The following UNC80 variants were observed in gnomAD, a reference collection of about 807,000 sequenced individuals.
UNC80 encodes unc-80 subunit of NALCN channel complex.
In UNC80, 164 loss-of-function variants were observed where a neutral mutation model predicts 384.6. The ratio of observed to expected loss-of-function variants is 0.43; its 90% CI spans 0.38 to 0.49. The LOEUF is 0.49. Ranked by LOEUF, UNC80 falls within the 20% of genes least tolerant of loss-of-function variation. The pLI, the probability that UNC80 is intolerant of heterozygous loss-of-function variation, is 0.00. For synonymous variants in UNC80, 1,486 were observed against 1,527.8 expected, an observed-to-expected ratio of 0.97 and a Z score of 0.64; for missense variants, 3,330 against 4,143.0, an observed-to-expected ratio of 0.80 and a Z score of 5.39.
chr2:209,860,598 A>G (rs917747964), intron 22 of UNC80, among the ~76,000 whole-genome samples: 2 of 152,286 alleles, frequency 1.3e-5, no homozygotes, highest in South Asian at 2.1e-4. Flanking sequence ...GTCAATGGTT[A>G]TTTGATGGGA....
intron 21 of UNC80, among the ~76,000 whole-genome samples, chr2:209,845,877 A>G (rs1296637348): frequency 6.6e-6 from 1 of 152,096 alleles, no homozygotes; most frequent in Non-Finnish European, 1.5e-5. Flanking sequence ...TTGCGCAAAC[A>G]TCATTCTATT....
rs1414141255 is a variant in UNC80 at position 209,972,327 on chromosome 2, C to CTGAT, written c.8380+5_8380+8dup. ...CACAGTAGGATCTGGAAGCAAAGGT[C>CTGAT]TGATTAATTTAACTAAAGGAAATTT... On this transcript the variant is annotated splice_donor_region_variant and intron_variant, in intron 55 of 64. Coordinates refer to ENST00000673920, the MANE Select transcript of UNC80 (RefSeq NM_001371986.1). 7.7e-6 allele frequency: 12 copies of CTGAT among 1,549,670 alleles called. No individual in the cohort carries two copies. Among genetic ancestry groups the CTGAT allele is most frequent in the Non-Finnish European group, 9.6e-6 (11 of 1,146,294 alleles).
Position 209,954,420 on chromosome 2 carries a change from T to C in UNC80, c.7457+150T>C, listed in dbSNP as rs143430186. 926 of 615,698 alleles carry C rather than the reference T, an allele frequency of 1.5e-3. 2 individuals are homozygous for C. The highest frequency in any genetic ancestry group is 1.4e-3 in the Non-Finnish European group (558 of 398,950). The allele number at this position is 615,698 out of a possible 1,614,324, so 38.1% of individuals were successfully genotyped here. On this transcript the variant is annotated intron_variant, in intron 48 of 64. Coordinates refer to ENST00000673920, the MANE Select transcript of UNC80 (RefSeq NM_001371986.1). ...AACTCAGCCCTTTATGCCTTATAAC[T>C]GTGAACAGTTCGTGAGTTATTTGAA...
rs2085236268 is a variant in UNC80, at chr2:209,880,952, ATTTCC to A, written c.3977-7_3977-3del. The A allele has an allele frequency of 6.4e-7, 1 of 1,551,184 alleles. No individual in the cohort carries two copies. The highest frequency in any genetic ancestry group is 8.7e-7 in the Non-Finnish European group (1 of 1,146,668). On this transcript the variant is annotated splice_polypyrimidine_tract_variant and splice_region_variant and intron_variant, in intron 24 of 64. Coordinates refer to ENST00000673920, the MANE Select transcript of UNC80 (RefSeq NM_001371986.1). ...TGTCTCCTTATGAAAGAACACTTTC[ATTTCC>A]TAGGTACTGTGAACCCCTCTAAATG...
intron 22 of UNC80, among the ~76,000 whole-genome samples, chr2:209,856,245 T>G (rs2082907799): frequency 6.6e-6 from 1 of 152,156 alleles, no homozygotes; most frequent in Non-Finnish European, 1.5e-5. Context: ...CTATTTCTGT[T>G]TCTGCTTTGG....
At chr2:209,806,395 G>A (rs1298987105) in intron 7 of UNC80, among the ~76,000 whole-genome samples, 1 of 152,148 alleles carries the variant, frequency 6.6e-6, no homozygotes. Context: ...CAATACTCAA[G>A]CTCTCTCTCT....
Position 209,783,373 on chromosome 2 carries a change from A to T in UNC80, c.601-2693A>T, listed in dbSNP as rs554361555. On this transcript the variant is annotated intron_variant, in intron 4 of 64. Transcript: ENST00000673920. ...GAGACATTAGAGGCCCAGAGTTTAT[A>T]CATTTATCCAAGTTAGGAAGACTTA... 3.3e-5 allele frequency among the ~76,000 whole-genome samples: 5 copies of T among 152,282 alleles called. No homozygotes were observed. The East Asian group carries it at 9.6e-4, about 29-fold the overall frequency.
chr2:209,854,328 TAA>T (rs5838186), intron 22 of UNC80, among the ~76,000 whole-genome samples: 1 of 151,854 alleles, frequency 6.6e-6, no homozygotes, highest in African/African-American at 2.4e-5. Flanking sequence ...AAATGTAGCA[TAA>T]AAAAATGCTT....
intron 18 of UNC80, among the ~76,000 whole-genome samples, chr2:209,837,511 T>G (rs2081404919): frequency 6.6e-6 from 1 of 152,198 alleles, no homozygotes; most frequent in South Asian, 2.1e-4. Context: ...TGGCCACATG[T>G]GTACTTTTTT....
At chr2:209,975,042 G>C (rs778835217) in intron 56 of UNC80, among the ~76,000 whole-genome samples, 1 of 152,178 alleles carries the variant, frequency 6.6e-6, no homozygotes, top group Non-Finnish European at 1.5e-5. Context: ...CTCTCTCTCT[G>C]TGTTACATGG....
intron 43 of UNC80, among the ~76,000 whole-genome samples, chr2:209,940,283 G>A (rs1466955111): frequency 1.3e-5 from 2 of 152,110 alleles, no homozygotes; most frequent in South Asian, 4.1e-4. Flanking sequence ...GGGCAGAAGG[G>A]TGATGAAAAT....
intron 28 of UNC80, among the ~76,000 whole-genome samples, chr2:209,901,628 TAAG>T (rs2087415263): frequency 6.6e-6 from 1 of 152,072 alleles, no homozygotes; most frequent in African/African-American, 2.4e-5. Flanking sequence ...TCTTATGATT[TAAG>T]AAGTTCATTT....
intron 4 of UNC80, among the ~76,000 whole-genome samples, chr2:209,780,046 T>C (rs1317530898): frequency 6.6e-6 from 1 of 152,218 alleles, no homozygotes; most frequent in Admixed American, 6.5e-5. Flanking sequence ...ATTAAACAAG[T>C]TATAGTATTC....
chr2:209,918,613 G>A lies in UNC80; in HGVS notation c.5293G>A (p.Val1765Ile). 6.4e-7 allele frequency: 1 copy of A among 1,551,938 alleles called. No homozygotes were observed. The highest frequency in any genetic ancestry group is 8.7e-7 in the Non-Finnish European group (1 of 1,147,028). ...CGTCCCAATGTTTGACCCACCGTGG[G>A]TTCCTCAGTGCAGCGGGAGTGTCCA... ...PSVPMFDPPW[V>I]PQCSGSVQDP... is the part of the protein sequence containing the mutation. The change falls in exon 33 of 65, where the codon GTT becomes ATT. Residue 1765 changes from valine to isoleucine, a missense_variant. Physicochemically the swap from Val to Ile is conservative, Grantham distance 29. Transcript: ENST00000673920.
chr2:209,914,480 C>A lies in UNC80; in HGVS notation c.5029+540C>A, dbSNP rs994079416. Reference sequence around the variant, plus strand: ...CTGGTTATTTTAATTTCAAAATACACGTGATAAAAATTCAAGTAATACAAA... The same window carrying A: ...CTGGTTATTTTAATTTCAAAATACAAGTGATAAAAATTCAAGTAATACAAA... On this transcript the variant is annotated intron_variant, in intron 31 of 64. Transcript: ENST00000673920. Among the ~76,000 whole-genome samples, 4 of 152,006 alleles carry A rather than the reference C, an allele frequency of 2.6e-5. No homozygotes were observed. In the East Asian group the frequency reaches 7.7e-4, roughly 29 times the overall value.
In UNC80 at chr2:209,829,226, T is replaced by C. The variant is rs2080776033; in HGVS notation, c.2479-6T>C. The C allele has an allele frequency of 1.3e-6, 2 of 1,550,978 alleles. No homozygotes were observed. Among genetic ancestry groups the C allele is most frequent in the Non-Finnish European group, 1.7e-6 (2 of 1,146,484 alleles). ...TGACTTTTTCACTTTTCTTCCTTCA[T>C]TGCAGGCCCAGAACTGCCTCACTAA... is the stretch of plus-strand genomic sequence containing the variant. On this transcript the variant is annotated splice_region_variant and splice_polypyrimidine_tract_variant and intron_variant, in intron 14 of 64. Transcript: ENST00000673920.
At chr2:209,814,555 C>T (rs2079599660) in intron 8 of UNC80, among the ~76,000 whole-genome samples, 1 of 152,150 alleles carries the variant, frequency 6.6e-6, no homozygotes. Flanking sequence ...CAACATTTTC[C>T]AGTGTCTTAA....
chr2:209,938,740 A>G (rs1334528315), intron 42 of UNC80, among the ~76,000 whole-genome samples: 1 of 143,362 alleles, frequency 7.0e-6, no homozygotes, highest in Admixed American at 7.1e-5. Context: ...GTGTGTGTCT[A>G]TTCATCATGT....
At chr2:209,954,513 T>C (rs1216599055) in intron 48 of UNC80, 1 of 304,016 alleles carries the variant, frequency 3.3e-6, no homozygotes, top group Non-Finnish European at 5.9e-6. Flanking sequence ...CTATCATTGC[T>C]AAACACACAT....
Sources: gnomAD v4.1 joint callset for allele counts (sites outside exome capture counted in the v4.1 genomes callset) on GRCh38, gnomAD v4.1.1 for gene constraint, MANE v1.5 for transcripts, NCBI Gene and HGNC (gene_info 2026-07-23, HGNC 2026-07-21) for gene names.